The following CDK14 variants were observed in gnomAD, a reference collection of about 807,000 sequenced individuals.
The protein encoded by CDK14 is cyclin dependent kinase 14.
In CDK14, 34 loss-of-function variants were observed where a neutral mutation model predicts 60.7. The observed-to-expected ratio is 0.56, with a 90% CI of 0.43 to 0.75. The LOEUF (loss-of-function observed/expected upper bound fraction) is 0.75. Ranked by LOEUF, CDK14 falls within the 30% of genes least tolerant of loss-of-function variation. CDK14 has a pLI of 0.00. For missense variants in CDK14, 482 were observed against 564.1 expected, an observed-to-expected ratio of 0.85 and a Z score of 1.47; for synonymous variants, 197 against 203.7, an observed-to-expected ratio of 0.97 and a Z score of 0.28.
At chr7:90,888,305 G>T (rs1177580135) in intron 6 of CDK14, among the ~76,000 whole-genome samples, 1 of 152,036 alleles carries the variant, frequency 6.6e-6, no homozygotes, top group Non-Finnish European at 1.5e-5. Context: ...AGCTGAGATG[G>T]CACCACTGCA....
intron 14 of CDK14, among the ~76,000 whole-genome samples, chr7:91,201,469 A>G (rs930152934): frequency 2.6e-5 from 4 of 152,162 alleles, no homozygotes; most frequent in Non-Finnish European, 4.4e-5. Flanking sequence ...AGAGGGGGAA[A>G]AAATGTGCCA....
At chr7:91,089,083 G>A (rs1798727378) in intron 12 of CDK14, among the ~76,000 whole-genome samples, 1 of 152,120 alleles carries the variant, frequency 6.6e-6, no homozygotes, top group African/African-American at 2.4e-5. Context: ...AACTTTTAGG[G>A]ATAAAATCAT....
intron 9 of CDK14, among the ~76,000 whole-genome samples, chr7:90,961,211 A>G (rs1231686306): frequency 2.0e-5 from 3 of 152,186 alleles, no homozygotes; most frequent in Non-Finnish European, 2.9e-5. Context: ...ATATTTTATA[A>G]TTTAGGTTAT....
Position 90,786,514 on chromosome 7 carries a change from A to G in CDK14, c.465-4059A>G, listed in dbSNP as rs576551818. ...ATCCACAAGATAATTAGAAGACACA[A>G]TGTTCATTTTGTTTTTCATACAGTA... On this transcript the variant is annotated intron_variant, in intron 4 of 14. Coordinates refer to ENST00000380050, the MANE Select transcript of CDK14 (RefSeq NM_001287135.2). 2.2e-4 allele frequency among the ~76,000 whole-genome samples: 33 copies of G among 152,328 alleles called. No individual in the cohort carries two copies. In the South Asian group the frequency reaches 3.7e-3, roughly 17 times the overall value.
chr7:91,196,443 T>C (rs1802545376), intron 14 of CDK14, among the ~76,000 whole-genome samples: 1 of 152,248 alleles, frequency 6.6e-6, no homozygotes, highest in Non-Finnish European at 1.5e-5. Context: ...TAAAAATAGA[T>C]GTTCAGCAAA....
intron 14 of CDK14, among the ~76,000 whole-genome samples, chr7:91,181,306 A>G (rs549626002): frequency 2.0e-5 from 3 of 152,226 alleles, no homozygotes; most frequent in Non-Finnish European, 2.9e-5. Flanking sequence ...TCCCACAGTC[A>G]GTTTTGCTGA....
chr7:90,722,188 CCCCTTTCCCTTTT>C (rs1406768290), intron 2 of CDK14, among the ~76,000 whole-genome samples: 1 of 150,662 alleles, frequency 6.6e-6, no homozygotes, highest in Non-Finnish European at 1.5e-5. Flanking sequence ...CCCACCCTTT[CCCCTTTCCCTTTT>C]CCCTTTTTGA....
chr7:90,769,249 C>T (rs569528821), intron 4 of CDK14, among the ~76,000 whole-genome samples: 1 of 152,138 alleles, frequency 6.6e-6, no homozygotes, highest in East Asian at 1.9e-4. Flanking sequence ...AGAGTCATGC[C>T]AATTGTATTC....
chr7:90,879,761 T>C (rs887679096), intron 6 of CDK14, among the ~76,000 whole-genome samples: 2 of 150,484 alleles, frequency 1.3e-5, no homozygotes, highest in Non-Finnish European at 3.0e-5. Flanking sequence ...AATAAATAAA[T>C]AAAAGTCGCT....
At chr7:91,116,122 A>G (rs1292431131) in intron 13 of CDK14, among the ~76,000 whole-genome samples, 1 of 152,236 alleles carries the variant, frequency 6.6e-6, no homozygotes, top group Non-Finnish European at 1.5e-5. Flanking sequence ...GAAATTCATT[A>G]CTTTTCCCAA....
intron 10 of CDK14, among the ~76,000 whole-genome samples, chr7:90,999,059 C>T (rs1280211495): frequency 6.6e-6 from 1 of 152,100 alleles, no homozygotes; most frequent in Admixed American, 6.6e-5. Context: ...CTCTTTTTCT[C>T]TTCTTATAAA....
At chr7:90,933,475 T>A (rs1793657537) in intron 8 of CDK14, among the ~76,000 whole-genome samples, 1 of 152,142 alleles carries the variant, frequency 6.6e-6, no homozygotes, top group South Asian at 2.1e-4. Context: ...AATCTTCACA[T>A]AGTCTCCTTT....
chr7:91,079,608 A>G (rs1213024183), intron 12 of CDK14, 128 bp downstream of exon 12: 12 of 732,564 alleles, frequency 1.6e-5, no homozygotes, highest in Non-Finnish European at 2.6e-5. Flanking sequence ...TTAACCATTA[A>G]ACTGCTGTTA....
chr7:91,067,379 T>G (rs957749699), intron 11 of CDK14, among the ~76,000 whole-genome samples: 22 of 152,196 alleles, frequency 1.4e-4, no homozygotes, highest in Non-Finnish European at 3.1e-4. Flanking sequence ...CTGTTGGATA[T>G]AAATGATGAG....
At chr7:90,661,591 A>G (rs1264567420) in intron 2 of CDK14, among the ~76,000 whole-genome samples, 2 of 152,154 alleles carry the variant, frequency 1.3e-5, no homozygotes, top group East Asian at 3.8e-4. Flanking sequence ...CATTAACCCA[A>G]ATTCTCAGTG....
chr7:91,062,132 T>A (rs971725555), intron 11 of CDK14, among the ~76,000 whole-genome samples: 2 of 152,264 alleles, frequency 1.3e-5, no homozygotes, highest in African/African-American at 4.8e-5. Context: ...GCTGCCACCT[T>A]GCTGTTTGAT....
At chr7:90,719,109 G>A (rs1742162774) in intron 2 of CDK14, among the ~76,000 whole-genome samples, 1 of 151,858 alleles carries the variant, frequency 6.6e-6, no homozygotes, top group Admixed American at 6.6e-5. Context: ...TGGACAAAGG[G>A]AAAAAAACAA....
At chr7:90,795,254 C>T (rs1250588626) in intron 5 of CDK14, among the ~76,000 whole-genome samples, 26 of 152,048 alleles carry the variant, frequency 1.7e-4, no homozygotes, top group Admixed American at 1.6e-3. Flanking sequence ...TCCTTAGTGG[C>T]AGTGCTGCTT....
intron 9 of CDK14, among the ~76,000 whole-genome samples, chr7:90,982,585 A>G (rs1421485067): frequency 2.0e-5 from 3 of 152,216 alleles, no homozygotes; most frequent in Non-Finnish European, 4.4e-5. Flanking sequence ...AGAGACTACA[A>G]TACTTTATAA....
Sources: allele counts gnomAD v4.1 joint callset (sites outside exome capture counted in the v4.1 genomes callset), GRCh38; gene constraint gnomAD v4.1.1; transcripts MANE v1.5; gene names NCBI Gene and HGNC (gene_info 2026-07-23, HGNC 2026-07-21).